KCNQ5: variants seen among roughly 807,000 people sequenced by gnomAD.
KCNQ5 encodes the protein potassium voltage-gated channel subfamily KQT member 5.
In KCNQ5, 30 loss-of-function variants were observed where a neutral mutation model predicts 98.2. That is an observed-to-expected ratio of 0.31 (90% CI 0.23 to 0.41). KCNQ5 has a LOEUF of 0.41. KCNQ5 is among the 10% of genes least tolerant of loss of function. The pLI, the probability that KCNQ5 is intolerant of heterozygous loss-of-function variation, is 1.00. For synonymous variants in KCNQ5, 458 were observed against 449.4 expected, an observed-to-expected ratio of 1.02 and a Z score of -0.24; for missense variants, 835 against 1,182.5, an observed-to-expected ratio of 0.71 and a Z score of 4.31.
chr6:72,937,320 C>A (rs972021048), intron 1 of KCNQ5, among the ~76,000 whole-genome samples: 2 of 152,184 alleles, frequency 1.3e-5, no homozygotes, highest in South Asian at 4.2e-4. Flanking sequence ...TTACTTCAGG[C>A]AAAGAACTAT....
intron 1 of KCNQ5, among the ~76,000 whole-genome samples, chr6:72,833,985 A>G (rs767631265): frequency 1.4e-4 from 21 of 152,292 alleles, no homozygotes; most frequent in Non-Finnish European, 2.5e-4. Context: ...AGTAAGAGAC[A>G]TTATGCAATA....
At chr6:72,848,090 A>G (rs1438590017) in intron 1 of KCNQ5, among the ~76,000 whole-genome samples, 1 of 152,086 alleles carries the variant, frequency 6.6e-6, no homozygotes, top group Non-Finnish European at 1.5e-5. Flanking sequence ...TCATGTCCCC[A>G]GGAGGCAAGG....
At chr6:72,782,119 A>G (rs567596751) in intron 1 of KCNQ5, among the ~76,000 whole-genome samples, 1 of 152,306 alleles carries the variant, frequency 6.6e-6, no homozygotes, top group Middle Eastern at 3.4e-3. Flanking sequence ...TACTTCACAA[A>G]TGCTCCTGGG....
chr6:72,924,739 T>G (rs1412003910), intron 1 of KCNQ5, among the ~76,000 whole-genome samples: 1 of 152,136 alleles, frequency 6.6e-6, no homozygotes, highest in Non-Finnish European at 1.5e-5. Context: ...ACTGCTGTCT[T>G]GGTTTGCCTA....
chr6:72,698,744 A>T (rs925428990), intron 1 of KCNQ5, among the ~76,000 whole-genome samples: 5 of 146,512 alleles, frequency 3.4e-5, no homozygotes, highest in African/African-American at 1.0e-4. Context: ...ACTCACTGCA[A>T]CCTGGGCTCA....
intron 5 of KCNQ5, among the ~76,000 whole-genome samples, chr6:73,101,050 CCAAA>C (rs1325395024): frequency 6.6e-6 from 1 of 152,088 alleles, no homozygotes; most frequent in Non-Finnish European, 1.5e-5. Context: ...TTGAATTCTA[CCAAA>C]CAATGAAAGA....
chr6:72,922,676 G>T (rs1780453563), intron 1 of KCNQ5, among the ~76,000 whole-genome samples: 1 of 151,814 alleles, frequency 6.6e-6, no homozygotes, highest in African/African-American at 2.4e-5. Context: ...TTCTATGCCT[G>T]GTTTATTTCA....
rs745925899 is a variant in KCNQ5, at chr6:73,194,461, A to G, written c.1846A>G (p.Ile616Val). The change falls in exon 14 of 14, where the codon ATA becomes GTA. Residue 616 changes from isoleucine (I) to valine (V), a missense_variant. Physicochemically the swap from Ile to Val is conservative, Grantham distance 29. Transcript: ENST00000370398. ...VVKVEKQVQS[I>V]ESKLDCLLDI... ...TTTTCCTCACTTCTAGGTACAGTCC[A>G]TAGAATCCAAGCTGGACTGCCTACT... is the stretch of plus-strand genomic sequence containing the variant. The G allele has an allele frequency of 3.7e-6, 6 of 1,613,162 alleles. No individual in the cohort carries two copies. Among genetic ancestry groups the G allele is most frequent in the Admixed American group, 1.7e-5 (1 of 59,976 alleles).
intron 1 of KCNQ5, among the ~76,000 whole-genome samples, chr6:72,665,397 A>G (rs1001957018): frequency 6.6e-6 from 1 of 151,694 alleles, no homozygotes; most frequent in Non-Finnish European, 1.5e-5. Context: ...GATAAAACCC[A>G]TTTGTGTAAT....
intron 1 of KCNQ5, among the ~76,000 whole-genome samples, chr6:72,798,597 T>G (rs767755717): frequency 4.5e-4 from 69 of 152,298 alleles, no homozygotes; most frequent in Admixed American, 1.6e-3. Flanking sequence ...TACATCTCCA[T>G]TTTTTATAAA....
intron 1 of KCNQ5, among the ~76,000 whole-genome samples, chr6:72,963,251 T>C (rs549855228): frequency 6.6e-6 from 1 of 152,338 alleles, no homozygotes; most frequent in South Asian, 2.1e-4. Context: ...AAGTAGAACA[T>C]TATCCAATGG....
At chr6:72,733,191 G>A (rs1770643480) in intron 1 of KCNQ5, among the ~76,000 whole-genome samples, 1 of 152,132 alleles carries the variant, frequency 6.6e-6, no homozygotes. Context: ...TAGGGTGAAA[G>A]GAGGACAGAA....
chr6:72,741,194 T>C (rs1009814460), intron 1 of KCNQ5, among the ~76,000 whole-genome samples: 7 of 152,222 alleles, frequency 4.6e-5, no homozygotes, highest in African/African-American at 1.7e-4. Flanking sequence ...GAATGTCAGA[T>C]TGCCCAGTGA....
At chr6:72,833,239 C>A (rs376818283) in intron 1 of KCNQ5, among the ~76,000 whole-genome samples, 2 of 152,146 alleles carry the variant, frequency 1.3e-5, no homozygotes, top group African/African-American at 4.8e-5. Context: ...TCCAGAACAT[C>A]TCTTTCTCTG....
chr6:72,739,455 A>G (rs1008714398), intron 1 of KCNQ5, among the ~76,000 whole-genome samples: 1 of 152,112 alleles, frequency 6.6e-6, no homozygotes, highest in Non-Finnish European at 1.5e-5. Flanking sequence ...TCTATCAATG[A>G]CCTTTCCACC....
At chr6:73,015,307 G>A (rs148071068) in intron 2 of KCNQ5, among the ~76,000 whole-genome samples, 247 of 152,062 alleles carry the variant, frequency 1.6e-3, no homozygotes, top group Non-Finnish European at 2.8e-3. Flanking sequence ...GATTCACAGA[G>A]ACTAACGACC....
At chr6:72,664,637 C>T (rs1766703301) in intron 1 of KCNQ5, among the ~76,000 whole-genome samples, 1 of 151,208 alleles carries the variant, frequency 6.6e-6, no homozygotes, top group Non-Finnish European at 1.5e-5. Flanking sequence ...GCCTGGGCAA[C>T]AGAGCAAGAC....
rs149021286 is a variant in KCNQ5 at position 73,014,228 on chromosome 6, C to T, written c.489+10230C>T. Among the ~76,000 whole-genome samples, 5 of 152,162 alleles carry T rather than the reference C, an allele frequency of 3.3e-5. No individual in the cohort carries two copies. The East Asian group carries it at 9.7e-4, about 29-fold the overall frequency. ...TCTCTGTTAAAGAACTTCTTGCCATCCAGATTAATTTTAAAGTATTTATTT... is the reference window on the plus strand; with the variant it reads ...TCTCTGTTAAAGAACTTCTTGCCATTCAGATTAATTTTAAAGTATTTATTT... On this transcript the variant is annotated intron_variant, in intron 2 of 13. Transcript: ENST00000370398.
intron 1 of KCNQ5, among the ~76,000 whole-genome samples, chr6:72,845,928 T>C (rs370991707): frequency 2.6e-4 from 40 of 152,296 alleles, no homozygotes; most frequent in African/African-American, 6.5e-4. Flanking sequence ...ATTTACTCAC[T>C]GAATCCCCAC....
Sources: gnomAD v4.1 joint callset for allele counts (sites outside exome capture counted in the v4.1 genomes callset) on GRCh38, gnomAD v4.1.1 for gene constraint, MANE v1.5 for transcripts, NCBI Gene and HGNC (gene_info 2026-07-23, HGNC 2026-07-21) for gene names.